Variants in LRFN2 observed in about 807,000 individuals in gnomAD.
LRFN2 encodes leucine rich repeat and fibronectin type III domain containing 2.
In LRFN2, 18 loss-of-function variants were observed where a neutral mutation model predicts 37.3. That is an observed-to-expected ratio of 0.48 (90% CI 0.33 to 0.72). The LOEUF is 0.72. Among genes scored for constraint, LRFN2 ranks in the 30% least tolerant of loss-of-function variants. The pLI is 0.02. For synonymous variants in LRFN2, 556 were observed against 466.6 expected, an observed-to-expected ratio of 1.19 and a Z score of -2.47; for missense variants, 1,006 against 1,060.7, an observed-to-expected ratio of 0.95 and a Z score of 0.72.
At chr6:40,509,188 C>T (rs1013693992) in intron 1 of LRFN2, among the ~76,000 whole-genome samples, 1 of 152,266 alleles carries the variant, frequency 6.6e-6, no homozygotes, top group Non-Finnish European at 1.5e-5. Context: ...ACATAACTTC[C>T]TTCCCAAATT....
chr6:40,573,967 A>AAAAC (rs767312239), intron 1 of LRFN2, among the ~76,000 whole-genome samples: 6 of 152,172 alleles, frequency 3.9e-5, no homozygotes, highest in African/African-American at 7.2e-5. Flanking sequence ...TGTCAAAAAC[A>AAAAC]AAACAAACAA....
chr6:40,569,735 G>C (rs2494939), intron 1 of LRFN2, among the ~76,000 whole-genome samples: 61,620 of 151,904 alleles, frequency 0.41, 12,785 homozygotes, highest in Middle Eastern at 0.55. Context: ...AATTTCACTC[G>C]CAGTAATCCA....
intron 1 of LRFN2, among the ~76,000 whole-genome samples, chr6:40,491,170 C>T (rs1219580978): frequency 6.6e-6 from 1 of 152,204 alleles, no homozygotes; most frequent in Admixed American, 6.5e-5. Flanking sequence ...GAGGCTGTGA[C>T]ATACCGTCAC....
At position 40,535,761 on chromosome 6, in the gene LRFN2, G is replaced by T. The variant is rs187526102; in HGVS notation, c.-19+51180C>A. Among the ~76,000 whole-genome samples the T allele has an allele frequency of 7.9e-5, 12 of 152,264 alleles. No homozygotes were observed. The East Asian group carries it at 2.3e-3, about 29-fold the overall frequency. The stretch of plus-strand genomic sequence containing the variant: ...TGCAGGCCCCACATTTGCTGACAAT[G>T]CACTGAGACTCTTATTATGCCCATC... On this transcript the variant is annotated intron_variant, in intron 1 of 2. Transcript: ENST00000338305.
rs113691507 is a variant in LRFN2, at chr6:40,528,767, A to T, written c.-19+58174T>A. Among the ~76,000 whole-genome samples, 637 of 152,280 alleles carry T rather than the reference A, an allele frequency of 4.2e-3. 1 individual carries two copies. The highest frequency in any genetic ancestry group is 0.014 in the African/African-American group (599 of 41,546). On this transcript the variant is annotated intron_variant, in intron 1 of 2. Transcript: ENST00000338305. The stretch of plus-strand genomic sequence containing the variant: ...AGAAATCCTAAGTTGAAACATCCTA[A>T]GTTGGGGACTGTCTATATTCCTTCT...
intron 1 of LRFN2, among the ~76,000 whole-genome samples, chr6:40,448,229 G>A (rs62395892): frequency 0.021 from 3,188 of 152,252 alleles, 59 homozygotes; most frequent in Middle Eastern, 0.031. Context: ...CTATGAAGAG[G>A]AGAAGCAGAG....
At chr6:40,499,723 C>G (rs942436021) in intron 1 of LRFN2, among the ~76,000 whole-genome samples, 3 of 152,092 alleles carry the variant, frequency 2.0e-5, no homozygotes, top group African/African-American at 7.2e-5. Context: ...GACCCACTCC[C>G]CCTTAGAGTG....
chr6:40,412,305 A>G (rs1282189002), intron 2 of LRFN2, among the ~76,000 whole-genome samples: 1 of 152,144 alleles, frequency 6.6e-6, no homozygotes, highest in Non-Finnish European at 1.5e-5. Context: ...AGGAACTCAT[A>G]TTTTGAGGGA....
intron 1 of LRFN2, among the ~76,000 whole-genome samples, chr6:40,465,898 G>A (rs17682438): frequency 0.012 from 1,786 of 152,272 alleles, 17 homozygotes; most frequent in Non-Finnish European, 0.018. Context: ...GGGGAAGGGA[G>A]GCTTTAACCT....
chr6:40,577,915 T>C (rs901514273), intron 1 of LRFN2, among the ~76,000 whole-genome samples: 1 of 151,782 alleles, frequency 6.6e-6, no homozygotes, highest in Non-Finnish European at 1.5e-5. Flanking sequence ...GGTAGGAATA[T>C]GGCCCAGGAG....
Position 40,392,993 on chromosome 6 carries a change from CAG to C in LRFN2, c.1401-83_1401-82del, listed in dbSNP as rs1209604139. ...GATGGGGAGTGGACAGAGGTAGAAA[CAG>C]AGTGACAGAGATGGGGAGGGGGAGG... On this transcript the variant is annotated intron_variant, in intron 2 of 2. Transcript: ENST00000338305. This position sits in a 1 kb window ranked among gnomAD's most constrained non-coding sequence, Gnocchi z 4.7. 3 of 1,220,252 alleles carry C rather than the reference CAG, an allele frequency of 2.5e-6. No individual in the cohort carries two copies. In the African/African-American group the frequency reaches 5.1e-5, roughly 21 times the overall value. The allele number at this position is 1,220,252 out of a possible 1,614,324, so 75.6% of individuals were successfully genotyped here. A position where few individuals can be genotyped will look rare whatever the true frequency, so the allele number is the denominator to read the frequency against.
intron 1 of LRFN2, among the ~76,000 whole-genome samples, chr6:40,473,550 G>A (rs1321372368): frequency 1.3e-5 from 2 of 152,168 alleles, no homozygotes; most frequent in Non-Finnish European, 2.9e-5. Flanking sequence ...ACCCCAGAAG[G>A]TGGGCATTAC....
chr6:40,402,761 C>T (rs563265774), intron 2 of LRFN2, among the ~76,000 whole-genome samples: 13 of 152,282 alleles, frequency 8.5e-5, no homozygotes, highest in Non-Finnish European at 1.6e-4. Flanking sequence ...AATTGTGCTA[C>T]CTGTTTTAGA....
intron 1 of LRFN2, among the ~76,000 whole-genome samples, chr6:40,545,328 G>A (rs764290626): frequency 1.3e-5 from 2 of 152,208 alleles, no homozygotes; most frequent in Non-Finnish European, 2.9e-5. Context: ...AAGGTGGTGT[G>A]GTTGGGCTGG....
chr6:40,421,022 A>G (rs1481399251), intron 2 of LRFN2, among the ~76,000 whole-genome samples: 2 of 152,236 alleles, frequency 1.3e-5, no homozygotes, highest in African/African-American at 4.8e-5. Context: ...TTAATCCTCC[A>G]AACTCTGTTA....
At chr6:40,424,923 C>G (rs1207332951) in intron 2 of LRFN2, among the ~76,000 whole-genome samples, 1 of 152,228 alleles carries the variant, frequency 6.6e-6, no homozygotes, top group Non-Finnish European at 1.5e-5. Context: ...AAATTTTTCT[C>G]CACCCCACAG....
chr6:40,502,161 G>A (rs1031846231), intron 1 of LRFN2: 2 of 152,224 alleles, frequency 1.3e-5, no homozygotes, highest in Non-Finnish European at 2.9e-5. Flanking sequence ...AGCCCTAGAG[G>A]GGAGTGTCAT....
intron 1 of LRFN2, among the ~76,000 whole-genome samples, chr6:40,446,087 T>C (rs890480044): frequency 6.6e-6 from 1 of 152,204 alleles, no homozygotes; most frequent in African/African-American, 2.4e-5. Context: ...AACATGTTCA[T>C]AGAACTCAGC....
chr6:40,561,169 G>A (rs1228788504), intron 1 of LRFN2, among the ~76,000 whole-genome samples: 1 of 152,180 alleles, frequency 6.6e-6, no homozygotes, highest in African/African-American at 2.4e-5. Context: ...GGGCAACTGA[G>A]AGAGGAGCCC....
Sources: gnomAD v4.1 joint callset for allele counts (sites outside exome capture counted in the v4.1 genomes callset) on GRCh38, gnomAD v4.1.1 for gene constraint, Gnocchi (gnomAD v3.1) non-coding constraint, MANE v1.5 for transcripts, NCBI Gene and HGNC (gene_info 2026-07-23, HGNC 2026-07-21) for gene names.